Variants in PFKM observed in about 807,000 individuals in gnomAD.
PFKM encodes phosphofructokinase, muscle, also known as ATP-dependent 6-phosphofructokinase, muscle type.
In PFKM, 58 loss-of-function variants were observed where a neutral mutation model predicts 95.5. The ratio of observed to expected loss-of-function variants is 0.61; its 90% CI spans 0.49 to 0.76. The LOEUF is 0.76. PFKM is among the 30% of genes least tolerant of loss of function. The pLI is 0.00. For missense variants in PFKM, 678 were observed against 1,005.4 expected (o/e 0.67, Z 4.40); for synonymous variants, 336 against 357.2 (o/e 0.94, Z 0.67).
intron 10 of PFKM, among the ~76,000 whole-genome samples, 161 bp downstream of exon 10, chr12:48,135,544 C>T (rs1274696202): frequency 6.6e-6 from 1 of 152,216 alleles, no homozygotes; most frequent in East Asian, 1.9e-4. Flanking sequence ...TTCCCATACA[C>T]TTGAGGGTTC....
exon 1 of PFKM, chr12:48,106,051 G>C (rs1460801516): frequency 2.8e-6 from 2 of 702,144 alleles, no homozygotes; most frequent in East Asian, 5.4e-5. Flanking sequence ...GCTGCCATGC[G>C]AAGGGGTTTC....
chr12:48,125,487 G>A (rs1948735856), intron 2 of PFKM: 1 of 337,798 alleles, frequency 3.0e-6, no homozygotes. Context: ...TGGGCGTGGT[G>A]GTGCATGCCT....
At chr12:48,106,345 T>G (rs1056880499) in intron 1 of PFKM, 2 of 532,024 alleles carry the variant, frequency 3.8e-6, no homozygotes, top group Non-Finnish European at 6.6e-6. Context: ...CTTTTCTCTG[T>G]TCCCTCTGCT....
At chr12:48,122,896 C>G (rs761415474) in intron 2 of PFKM, 37 bp downstream of exon 2, 2 of 1,590,204 alleles carry the variant, frequency 1.3e-6, no homozygotes, top group Non-Finnish European at 1.7e-6. Context: ...GCTGGTGGGA[C>G]TTTTGGAATT....
upstream of PFKM, among the ~76,000 whole-genome samples, chr12:48,116,557 C>T (rs56049209): frequency 0.06 from 9,119 of 152,248 alleles, 355 homozygotes; most frequent in Non-Finnish European, 0.093. Flanking sequence ...CGGCTCACTG[C>T]AAGCTCTGCC....
At chr12:48,139,756 C>T (rs1014574856) in intron 12 of PFKM, 93 bp from the exon 13 acceptor site, 6 of 887,946 alleles carry the variant, frequency 6.8e-6, no homozygotes, top group Non-Finnish European at 1.1e-5. Context: ...ATGGAACTTC[C>T]CTCTGGGAGC....
intron 1 of PFKM, chr12:48,106,275 A>G: frequency 1.0e-5 from 6 of 598,690 alleles, no homozygotes; most frequent in Non-Finnish European, 1.5e-5. Flanking sequence ...TACCCTTTTC[A>G]GTCTGGGCTT....
intron 11 of PFKM, 47 bp downstream of exon 11, chr12:48,137,893 C>A (rs780227034): frequency 2.5e-6 from 4 of 1,607,660 alleles, no homozygotes; most frequent in Non-Finnish European, 2.6e-6. Flanking sequence ...CAAGCCCCTG[C>A]CTTGGAGCTC....
rs552721539 is a variant in PFKM at position 48,139,534 on chromosome 12, G to T, written c.1127+185G>T. 1.7e-4 allele frequency: 110 copies of T among 649,432 alleles called. No homozygotes were observed. In the Admixed American group the frequency reaches 2.5e-3, roughly 15 times the overall value. The allele number at this position is 649,432 out of a possible 1,614,324, so 40.2% of individuals were successfully genotyped here. Reference sequence around the variant, plus strand: ...CTGGGAGGCTCAGTTCATCTCAGGGGTGTGGTCCCTGGCATCAACCTTTTA... The same window carrying T: ...CTGGGAGGCTCAGTTCATCTCAGGGTTGTGGTCCCTGGCATCAACCTTTTA... On this transcript the variant is annotated intron_variant, in intron 12 of 22. Coordinates refer to ENST00000359794, the MANE Select transcript of PFKM (RefSeq NM_000289.6).
intron 3 of PFKM, among the ~76,000 whole-genome samples, chr12:48,113,222 C>T (rs1947362591): frequency 6.6e-6 from 1 of 152,086 alleles, no homozygotes; most frequent in African/African-American, 2.4e-5. Context: ...GCTGTCAATA[C>T]CCACAACAGT....
upstream of PFKM, among the ~76,000 whole-genome samples, chr12:48,115,987 A>T (rs12228924): frequency 6.6e-6 from 1 of 151,980 alleles, no homozygotes; most frequent in African/African-American, 2.4e-5. Flanking sequence ...TGATGACTCT[A>T]TGTTTAACAT....
intron 3 of PFKM, among the ~76,000 whole-genome samples, chr12:48,114,328 A>G (rs1214701536): frequency 6.6e-6 from 1 of 152,138 alleles, no homozygotes; most frequent in Non-Finnish European, 1.5e-5. Flanking sequence ...CTGATTCGGG[A>G]AAGGTCTGAT....
chr12:48,137,083 A>T (rs1377248831), intron 10 of PFKM, among the ~76,000 whole-genome samples: 16 of 139,288 alleles, frequency 1.1e-4, no homozygotes, highest in Non-Finnish European at 1.2e-4. Flanking sequence ...TTTTTAAGAG[A>T]TGGAGTCTTG....
intron 2 of PFKM, among the ~76,000 whole-genome samples, chr12:48,128,966 C>T (rs542401456): frequency 6.6e-6 from 1 of 152,246 alleles, no homozygotes; most frequent in Non-Finnish European, 1.5e-5. Flanking sequence ...TCTCCCATCT[C>T]TCACCAATAA....
intron 7 of PFKM, 50 bp from the exon 8 acceptor site, chr12:48,134,671 C>G: frequency 7.9e-7 from 1 of 1,259,482 alleles, no homozygotes; most frequent in Non-Finnish European, 1.2e-6. Flanking sequence ...ATGGGTGAGG[C>G]TATTTGTAGA....
chr12:48,139,759 C>A, intron 12 of PFKM, 90 bp from the exon 13 acceptor site: 1 of 909,046 alleles, frequency 1.1e-6, no homozygotes, highest in East Asian at 2.5e-5. Context: ...GAACTTCCCT[C>A]TGGGAGCAAC....
chr12:48,118,536 C>T (rs1343277983), upstream of PFKM: 1 of 1,525,188 alleles, frequency 6.6e-7, no homozygotes, highest in African/African-American at 1.4e-5. Flanking sequence ...GTGGTAAAAG[C>T]AAGAGGAGAC....
chr12:48,133,328 T>C lies in PFKM; in HGVS notation c.441T>C (p.Asp147=). The change falls in exon 6 of 23, where the codon GAT becomes GAC. Residue 147 remains aspartate, a synonymous_variant. Coordinates refer to ENST00000359794, the MANE Select transcript of PFKM (RefSeq NM_000289.6). ...TCTCATTGTCAGGTAAGATCACAGA[T>C]GAGGAGGCTACGAAGTCCAGCTACC... ...SDLQKAGKIT[D]EEATKSSYLN... The C allele has an allele frequency of 2.5e-6, 4 of 1,614,060 alleles. No individual in the cohort carries two copies. The highest frequency in any genetic ancestry group is 3.4e-6 in the Non-Finnish European group (4 of 1,179,978).
chr12:48,105,906 G>A, upstream of PFKM: 2 of 636,052 alleles, frequency 3.1e-6, no homozygotes, highest in Non-Finnish European at 5.7e-6. Context: ...AAAGGCGCCG[G>A]CCCCACAGTG....
Sources: allele counts gnomAD v4.1 joint callset (sites outside exome capture counted in the v4.1 genomes callset), GRCh38; gene constraint gnomAD v4.1.1; transcripts MANE v1.5; gene names NCBI Gene and HGNC (gene_info 2026-07-23, HGNC 2026-07-21).